The following SYT1 variants were observed in gnomAD, a reference collection of about 807,000 sequenced individuals.
SYT1 encodes the protein synaptotagmin 1.
In SYT1, 8 loss-of-function variants were observed where a neutral mutation model predicts 44.8. The ratio of observed to expected loss-of-function variants is 0.18; its 90% CI spans 0.10 to 0.32. The LOEUF (loss-of-function observed/expected upper bound fraction) is 0.32. Among genes scored for constraint, SYT1 ranks in the 10% least tolerant of loss-of-function variants. The pLI is 1.00. For synonymous variants in SYT1, 154 were observed against 188.8 expected (o/e 0.82, Z 1.51); for missense variants, 286 against 509.3 (o/e 0.56, Z 4.22).
At chr12:79,003,006 C>T (rs1870842205) in intron 2 of SYT1, among the ~76,000 whole-genome samples, 1 of 151,896 alleles carries the variant, frequency 6.6e-6, no homozygotes, top group Admixed American at 6.6e-5. Context: ...TGGAGTAGAA[C>T]AAAGCAGCTG....
intron 2 of SYT1, among the ~76,000 whole-genome samples, chr12:79,012,074 G>T (rs963274977): frequency 6.7e-6 from 1 of 150,190 alleles, no homozygotes; most frequent in Non-Finnish European, 1.5e-5. Context: ...GGGAGCAGTA[G>T]TGAGCCGAGA....
chr12:79,047,943 A>T (rs1460741226), intron 3 of SYT1, among the ~76,000 whole-genome samples: 1 of 151,928 alleles, frequency 6.6e-6, no homozygotes, highest in African/African-American at 2.4e-5. Context: ...ATATGTTCTC[A>T]CTAAGCAAAG....
At chr12:79,206,231 T>C (rs1231939150) in intron 3 of SYT1, among the ~76,000 whole-genome samples, 1 of 152,236 alleles carries the variant, frequency 6.6e-6, no homozygotes, top group Non-Finnish European at 1.5e-5. Flanking sequence ...AATGCTCTTT[T>C]TTTCAGATAC....
At chr12:79,041,409 G>A (rs1208548538) in intron 2 of SYT1, among the ~76,000 whole-genome samples, 1 of 151,850 alleles carries the variant, frequency 6.6e-6, no homozygotes, top group Non-Finnish European at 1.5e-5. Context: ...TTTCACTCAT[G>A]ATTTGGCTCT....
At chr12:79,349,861 A>G (rs1216106991) in intron 8 of SYT1, among the ~76,000 whole-genome samples, 2 of 152,208 alleles carry the variant, frequency 1.3e-5, no homozygotes, top group African/African-American at 2.4e-5. Context: ...AAACTATGAA[A>G]TTAGAGTTTG....
intron 1 of SYT1, among the ~76,000 whole-genome samples, chr12:78,975,862 A>G (rs1267582070): frequency 6.6e-6 from 1 of 152,200 alleles, no homozygotes; most frequent in African/African-American, 2.4e-5. Context: ...AAGCCACTTT[A>G]TGCTTGGAAT....
chr12:79,408,390 A>T (rs1395983721), intron 9 of SYT1, among the ~76,000 whole-genome samples: 1 of 152,174 alleles, frequency 6.6e-6, no homozygotes, highest in East Asian at 1.9e-4. Flanking sequence ...GGAGGCCTCC[A>T]GAAAACAAAC....
At chr12:79,371,335 C>T (rs1178441095) in intron 9 of SYT1, among the ~76,000 whole-genome samples, 1 of 152,084 alleles carries the variant, frequency 6.6e-6, no homozygotes, top group Non-Finnish European at 1.5e-5. Context: ...TCATAGAAAC[C>T]TCAACTCTAG....
At chr12:78,948,452 C>G (rs1225635369) in intron 1 of SYT1, among the ~76,000 whole-genome samples, 1 of 151,826 alleles carries the variant, frequency 6.6e-6, no homozygotes, top group Non-Finnish European at 1.5e-5. Flanking sequence ...TGAAAATATA[C>G]TATTATTAGT....
intron 3 of SYT1, among the ~76,000 whole-genome samples, chr12:79,211,083 T>C (rs997102798): frequency 3.8e-4 from 58 of 152,070 alleles, no homozygotes; most frequent in Non-Finnish European, 6.8e-4. Flanking sequence ...TGTAGACATA[T>C]AGGGGAAAAG....
At chr12:78,971,328 AAG>A (rs1868376311) in intron 1 of SYT1, among the ~76,000 whole-genome samples, 1 of 152,204 alleles carries the variant, frequency 6.6e-6, no homozygotes, top group Non-Finnish European at 1.5e-5. Flanking sequence ...CAAAAGATAA[AAG>A]AAATACATTC....
intron 2 of SYT1, among the ~76,000 whole-genome samples, chr12:78,982,329 T>G (rs573227876): frequency 6.6e-6 from 1 of 152,296 alleles, no homozygotes; most frequent in South Asian, 2.1e-4. Context: ...TCTCCATTAC[T>G]AGTTAGTTTG....
At position 79,349,053 on chromosome 12, in the gene SYT1, G is replaced by GAA. The variant is rs1423338888; in HGVS notation, c.811-4447_811-4446dup. On this transcript the variant is annotated intron_variant, in intron 8 of 10. Coordinates refer to ENST00000261205, the MANE Select transcript of SYT1 (RefSeq NM_005639.3). ...AAAGAAAAAGAAAGAAAGAAAGAAA[G>GAA]AAAGGAGGGAGGGAGGGAGGGAGGG... 1.3e-3 allele frequency among the ~76,000 whole-genome samples: 168 copies of GAA among 128,718 alleles called. 2 individuals carry two copies. The highest frequency in any genetic ancestry group is 4.4e-3 in the African/African-American group (151 of 34,016). The allele number at this position is 128,718 out of a possible 152,430, so 84.4% of individuals were successfully genotyped here. A position where few individuals can be genotyped will look rare whatever the true frequency, so the allele number is the denominator to read the frequency against.
At chr12:79,254,705 T>C (rs927655929) in intron 4 of SYT1, among the ~76,000 whole-genome samples, 2 of 152,214 alleles carry the variant, frequency 1.3e-5, no homozygotes, top group African/African-American at 4.8e-5. Context: ...CATTCATGAT[T>C]CATAGGAGGT....
intron 8 of SYT1, among the ~76,000 whole-genome samples, chr12:79,345,314 C>T (rs748864277): frequency 2.0e-5 from 3 of 148,112 alleles, no homozygotes; most frequent in Non-Finnish European, 2.9e-5. Context: ...TAAAGTCCCC[C>T]TCTCCTTAGT....
chr12:79,338,227 C>G (rs763158998), intron 8 of SYT1, among the ~76,000 whole-genome samples: 2 of 151,976 alleles, frequency 1.3e-5, no homozygotes, highest in Non-Finnish European at 2.9e-5. Context: ...GAGAAATCAT[C>G]CATATTCCAA....
At chr12:79,024,954 C>T (rs75552650) in intron 2 of SYT1, among the ~76,000 whole-genome samples, 12 of 151,568 alleles carry the variant, frequency 7.9e-5, no homozygotes, top group African/African-American at 2.7e-4. Context: ...TTTATTGTGA[C>T]CTTTGATAGT....
At chr12:79,025,774 A>G (rs1872491854) in intron 2 of SYT1, among the ~76,000 whole-genome samples, 1 of 151,670 alleles carries the variant, frequency 6.6e-6, no homozygotes, top group African/African-American at 2.4e-5. Context: ...AAGTGGTAGC[A>G]AGTTATAAAG....
chr12:79,041,294 T>C (rs1873550254), intron 2 of SYT1, among the ~76,000 whole-genome samples: 1 of 152,194 alleles, frequency 6.6e-6, no homozygotes, highest in Admixed American at 6.5e-5. Context: ...TCCTCTTTTA[T>C]TTCATTGAGC....
Sources: gnomAD v4.1 joint callset for allele counts (sites outside exome capture counted in the v4.1 genomes callset) on GRCh38, gnomAD v4.1.1 for gene constraint, MANE v1.5 for transcripts, NCBI Gene and HGNC (gene_info 2026-07-23, HGNC 2026-07-21) for gene names.